Variants in UGT1A6 observed in about 807,000 individuals in gnomAD.
The protein encoded by UGT1A6 is UDP glucuronosyltransferase family 1 member A6.
UGT1A6 carries 32 observed loss-of-function variants against 44.4 expected under a neutral mutation model. That is an observed-to-expected ratio of 0.72 (90% CI 0.54 to 0.97). The LOEUF (loss-of-function observed/expected upper bound fraction) is 0.97, where lower values mean the gene tolerates loss of function less well. UGT1A6 is among the 50% of genes least tolerant of loss of function. The pLI, the probability that UGT1A6 is intolerant of heterozygous loss-of-function variation, is 0.00. For missense variants in UGT1A6, 685 were observed against 661.9 expected (o/e 1.03, Z -0.38); for synonymous variants, 238 against 248.5 (o/e 0.96, Z 0.40).
At chr2:233,713,084 G>A in intron 1 of UGT1A6, 1 of 1,614,196 alleles carries the variant, frequency 6.2e-7, no homozygotes, top group African/African-American at 1.3e-5. Context: ...GTGGGAAGGT[G>A]CTGGTGGTGC....
At chr2:233,749,562 T>C (rs541768746) in intron 1 of UGT1A6, among the ~76,000 whole-genome samples, 1 of 151,994 alleles carries the variant, frequency 6.6e-6, no homozygotes, top group Non-Finnish European at 1.5e-5. Context: ...ATGTATTCAA[T>C]AGTGAGGCCA....
chr2:233,757,535 A>AATATATATATAT (rs67292694), intron 1 of UGT1A6, among the ~76,000 whole-genome samples: 911 of 88,202 alleles, frequency 0.01, 30 homozygotes, highest in Middle Eastern at 0.029. Context: ...GCCTGTAAGG[A>AATATATATATAT]ATATATATAT....
chr2:233,706,466 C>T (rs1190606986), intron 1 of UGT1A6, among the ~76,000 whole-genome samples: 1 of 152,212 alleles, frequency 6.6e-6, no homozygotes, highest in African/African-American at 2.4e-5. Context: ...GAGGTTTCAC[C>T]ATAGGCTGGG....
intron 1 of UGT1A6, chr2:233,755,866 T>C (rs1696048647): frequency 6.6e-6 from 1 of 152,244 alleles, no homozygotes; most frequent in Non-Finnish European, 1.5e-5. Context: ...CATGACACAC[T>C]AACAAACCTT....
At chr2:233,744,266 A>G (rs1300904192) in intron 1 of UGT1A6, among the ~76,000 whole-genome samples, 1 of 151,778 alleles carries the variant, frequency 6.6e-6, no homozygotes, top group Admixed American at 6.5e-5. Flanking sequence ...GTTTTTCTTA[A>G]AGTAGGCTTT....
chr2:233,735,013 G>A (rs1042538145), intron 1 of UGT1A6, among the ~76,000 whole-genome samples: 1 of 152,194 alleles, frequency 6.6e-6, no homozygotes, highest in Non-Finnish European at 1.5e-5. Context: ...GGAGAGTTCT[G>A]TAGATGTCTA....
At chr2:233,712,842 C>A in intron 1 of UGT1A6, 1 of 1,510,466 alleles carries the variant, frequency 6.6e-7, no homozygotes, top group Non-Finnish European at 8.9e-7. Flanking sequence ...TATAGATTAA[C>A]GGGTAATAAG....
At chr2:233,755,026 G>C (rs776900288) in intron 1 of UGT1A6, 1 of 1,306,868 alleles carries the variant, frequency 7.7e-7, no homozygotes, top group Admixed American at 1.9e-5. Context: ...TCCTTGAAGG[G>C]CCTGCCGCCT....
chr2:233,743,704 C>A (rs773531190), intron 1 of UGT1A6: 3 of 1,367,360 alleles, frequency 2.2e-6, no homozygotes, highest in Non-Finnish European at 2.9e-6. Context: ...CCTCCGCCCC[C>A]GCCTCGCCAT....
Position 233,724,489 on chromosome 2 carries a change from G to A in UGT1A6, c.861+30624G>A, listed in dbSNP as rs571092299. Among the ~76,000 whole-genome samples the A allele has an allele frequency of 7.6e-3, 558 of 73,198 alleles. 28 individuals carry two copies. The highest frequency in any genetic ancestry group is 0.012 in the Non-Finnish European group (429 of 34,572). 48.0% of individuals were successfully genotyped at this position (73,198 alleles called of 152,430 possible). A position where few individuals can be genotyped will look rare whatever the true frequency, so the allele number is the denominator to read the frequency against. ...GGGCTCCTCACTTCTCAGACGGGGC[G>A]GCCGGGCAGAGACGCTCCTCACCTC... On this transcript the variant is annotated intron_variant, in intron 1 of 4. Coordinates refer to ENST00000305139, the MANE Select transcript of UGT1A6 (RefSeq NM_001072.4).
intron 1 of UGT1A6, among the ~76,000 whole-genome samples, chr2:233,734,500 T>C (rs1353975752): frequency 6.6e-6 from 1 of 152,210 alleles, no homozygotes; most frequent in Non-Finnish European, 1.5e-5. Context: ...GGTTTTTTTG[T>C]GTCTCTATCT....
intron 1 of UGT1A6, chr2:233,742,939 C>T (rs750908913): frequency 4.7e-6 from 1 of 212,356 alleles, no homozygotes; most frequent in Non-Finnish European, 9.5e-6. Context: ...TTCTGTCCTA[C>T]CACTAGCAAA....
rs542172440 is a variant in UGT1A6 at position 233,772,689 on chromosome 2, A to C, written c.*130A>C. ...CTTTGCATAAATTAATCAGCCCCAG[A>C]GTGCTTTAAAAAATTCTCTTAAATA... On this transcript the variant is annotated 3_prime_UTR_variant, in exon 5 of 5. Transcript: ENST00000305139. 4.0e-6 allele frequency: 6 copies of C among 1,492,458 alleles called. No homozygotes were observed. In the African/African-American group the frequency reaches 8.5e-5, roughly 21 times the overall value. 92.5% of individuals were successfully genotyped at this position (1,492,458 alleles called of 1,614,324 possible). A position where few individuals can be genotyped will look rare whatever the true frequency, so the allele number is the denominator to read the frequency against.
At chr2:233,738,377 G>A (rs1404110801) in intron 1 of UGT1A6, among the ~76,000 whole-genome samples, 2 of 152,188 alleles carry the variant, frequency 1.3e-5, no homozygotes, top group Admixed American at 1.3e-4. Flanking sequence ...AAAACTACTT[G>A]AAAATGTGGA....
At chr2:233,767,759 AG>A in intron 2 of UGT1A6, 89 bp from the exon 3 acceptor site, 5 of 1,604,854 alleles carry the variant, frequency 3.1e-6, no homozygotes, top group Non-Finnish European at 4.3e-6. Flanking sequence ...GTTCCTTCAG[AG>A]GACCCCTGTT....
chr2:233,773,128 A>G lies in UGT1A6; in HGVS notation c.*569A>G. On this transcript the variant is annotated 3_prime_UTR_variant, in exon 5 of 5. Transcript: ENST00000305139. ...TGATTTCTTGCTTTGGGGAAAAAGA[A>G]TGATGCTATGAAATTGGTGGGTGGT... The G allele has an allele frequency of 6.4e-6, 1 of 155,198 alleles. No homozygotes were observed. Among genetic ancestry groups the G allele is most frequent in the Non-Finnish European group, 1.4e-5 (1 of 69,704 alleles). 9.6% of individuals were successfully genotyped at this position (155,198 alleles called of 1,614,324 possible). A position where few individuals can be genotyped will look rare whatever the true frequency, so the allele number is the denominator to read the frequency against.
chr2:233,721,331 C>T (rs1281887450), intron 1 of UGT1A6, among the ~76,000 whole-genome samples: 1 of 152,014 alleles, frequency 6.6e-6, no homozygotes, highest in African/African-American at 2.4e-5. Flanking sequence ...TGTGGTTTTT[C>T]ACTATGAATA....
chr2:233,747,777 A>T (rs1038765158), intron 1 of UGT1A6: 20 of 1,613,544 alleles, frequency 1.2e-5, no homozygotes, highest in Non-Finnish European at 1.3e-5. Context: ...ACAGTGTCCA[A>T]ATCCTTCCTC....
intron 1 of UGT1A6, chr2:233,713,566 C>T: frequency 6.2e-7 from 1 of 1,613,980 alleles, no homozygotes; most frequent in Non-Finnish European, 8.5e-7. Flanking sequence ...AACCCTTCCT[C>T]CTATATTCCT....
Sources: allele counts gnomAD v4.1 joint callset (sites outside exome capture counted in the v4.1 genomes callset), GRCh38; gene constraint gnomAD v4.1.1; transcripts MANE v1.5; gene names NCBI Gene and HGNC (gene_info 2026-07-23, HGNC 2026-07-21).